LRRC4C: variants seen among roughly 807,000 people sequenced by gnomAD.
The protein encoded by LRRC4C is leucine rich repeat containing 4C.
Under a neutral mutation model 33.6 loss-of-function variants are expected in LRRC4C, and 5 were observed. That is an observed-to-expected ratio of 0.15 (90% CI 0.08 to 0.31). The LOEUF (loss-of-function observed/expected upper bound fraction) is 0.31. LRRC4C is among the 10% of genes least tolerant of loss of function. The probability of loss-of-function intolerance (pLI) is 1.00; values close to 1 mark genes in which losing one functional copy is unlikely to be tolerated. For synonymous variants in LRRC4C, 329 were observed against 302.0 expected, an observed-to-expected ratio of 1.09 and a Z score of -0.93; for missense variants, 560 against 796.7, an observed-to-expected ratio of 0.70 and a Z score of 3.58.
At chr11:40,337,007 G>T (rs1305182208) in intron 3 of LRRC4C, among the ~76,000 whole-genome samples, 2 of 102,228 alleles carry the variant, frequency 2.0e-5, no homozygotes, top group African/African-American at 4.0e-5. Context: ...AAAAAAAAAA[G>T]AGCGAATCAG....
chr11:40,461,072 G>A (rs986901216), intron 3 of LRRC4C, among the ~76,000 whole-genome samples: 1 of 152,100 alleles, frequency 6.6e-6, no homozygotes, highest in Non-Finnish European at 1.5e-5. Flanking sequence ...AAACAGATGG[G>A]TATAGGTTTA....
At chr11:41,017,462 C>A (rs767410784) in intron 1 of LRRC4C, among the ~76,000 whole-genome samples, 2 of 152,048 alleles carry the variant, frequency 1.3e-5, no homozygotes, top group Non-Finnish European at 2.9e-5. Context: ...TACTACTGAC[C>A]ACGGAAAGAG....
intron 1 of LRRC4C, among the ~76,000 whole-genome samples, chr11:41,134,629 T>A (rs1291809939): frequency 1.3e-5 from 2 of 152,122 alleles, no homozygotes; most frequent in Non-Finnish European, 2.9e-5. Flanking sequence ...AATCAAGGTG[T>A]TGGCAGAGCT....
intron 3 of LRRC4C, among the ~76,000 whole-genome samples, chr11:40,482,700 G>A (rs1423734498): frequency 6.6e-6 from 1 of 151,930 alleles, no homozygotes. Context: ...CAAACTCCTG[G>A]GCTCAAGCAA....
intron 3 of LRRC4C, among the ~76,000 whole-genome samples, chr11:40,360,339 A>G (rs1370987333): frequency 6.6e-6 from 1 of 152,132 alleles, no homozygotes; most frequent in Non-Finnish European, 1.5e-5. Flanking sequence ...TGATACAGAG[A>G]TCTGCTGAGA....
At chr11:40,187,081 C>T (rs930417896) in intron 5 of LRRC4C, among the ~76,000 whole-genome samples, 3 of 152,242 alleles carry the variant, frequency 2.0e-5, no homozygotes, top group East Asian at 1.9e-4. Flanking sequence ...GGGCTCAAAT[C>T]GGATCATCTC....
chr11:40,673,834 T>A (rs1006816514), intron 2 of LRRC4C, among the ~76,000 whole-genome samples: 1 of 152,180 alleles, frequency 6.6e-6, no homozygotes, highest in Non-Finnish European at 1.5e-5. Context: ...CTGATCCACG[T>A]TATGTATGGA....
intron 4 of LRRC4C, among the ~76,000 whole-genome samples, chr11:40,311,397 A>G (rs1945297753): frequency 6.6e-6 from 1 of 152,210 alleles, no homozygotes; most frequent in African/African-American, 2.4e-5. Context: ...CATAATGTAC[A>G]TGTTCAGTAA....
chr11:41,190,624 C>T (rs7928273), intron 1 of LRRC4C, among the ~76,000 whole-genome samples: 5 of 152,070 alleles, frequency 3.3e-5, no homozygotes, highest in African/African-American at 7.2e-5. Context: ...GGCTAAACAA[C>T]GGTAAAATGA....
intron 5 of LRRC4C, among the ~76,000 whole-genome samples, chr11:40,156,631 G>GAAACAA (rs1434495109): frequency 1.3e-5 from 2 of 151,000 alleles, no homozygotes; most frequent in African/African-American, 4.9e-5. Context: ...ACAAAAAACA[G>GAAACAA]AAACAAAAAC....
intron 1 of LRRC4C, among the ~76,000 whole-genome samples, chr11:41,215,107 A>T (rs1217103624): frequency 2.7e-5 from 4 of 150,262 alleles, no homozygotes; most frequent in Admixed American, 6.7e-5. Flanking sequence ...TCTAAGTGTA[A>T]AGTTCAGTGG....
intron 1 of LRRC4C, among the ~76,000 whole-genome samples, chr11:40,999,694 A>G (rs926346703): frequency 3.3e-5 from 5 of 152,142 alleles, no homozygotes; most frequent in African/African-American, 1.2e-4. Context: ...AACCTGCCAT[A>G]TGCTGGACAC....
rs191298247 is a variant in LRRC4C at position 40,911,736 on chromosome 11, T to C, written c.-407+21899A>G. On this transcript the variant is annotated intron_variant, in intron 2 of 6. Coordinates refer to ENST00000528697, the MANE Select transcript of LRRC4C (RefSeq NM_001258419.2). ...GTTGAGAGAAGAAGGCTTCAGACGA[T>C]CAAACTACTCTGAGCTAAAGGAGGA... 5.4e-3 allele frequency among the ~76,000 whole-genome samples: 823 copies of C among 152,120 alleles called. 3 individuals carry two copies. Among genetic ancestry groups the C allele is most frequent in the Non-Finnish European group, 7.2e-3 (491 of 67,946 alleles).
intron 3 of LRRC4C, among the ~76,000 whole-genome samples, chr11:40,394,737 G>A (rs1193594186): frequency 1.3e-5 from 2 of 152,124 alleles, no homozygotes; most frequent in South Asian, 2.1e-4. Context: ...AGAGGAGAGA[G>A]TAGAAGTGAT....
intron 5 of LRRC4C, among the ~76,000 whole-genome samples, chr11:40,164,290 C>T (rs989688921): frequency 2.0e-5 from 3 of 152,084 alleles, no homozygotes; most frequent in Non-Finnish European, 2.9e-5. Context: ...GAATATTATC[C>T]AGCCATAAAA....
intron 2 of LRRC4C, among the ~76,000 whole-genome samples, chr11:40,745,434 T>C (rs1236231471): frequency 6.6e-6 from 1 of 152,184 alleles, no homozygotes; most frequent in East Asian, 1.9e-4. Flanking sequence ...TGAGAACGTT[T>C]GATAGACATT....
intron 1 of LRRC4C, among the ~76,000 whole-genome samples, chr11:41,346,182 T>C (rs1051899854): frequency 6.6e-6 from 1 of 152,190 alleles, no homozygotes; most frequent in African/African-American, 2.4e-5. Flanking sequence ...ACAAAGCACA[T>C]TAAAGAGAGG....
intron 1 of LRRC4C, among the ~76,000 whole-genome samples, chr11:41,252,509 G>A (rs1287198470): frequency 6.6e-6 from 1 of 152,140 alleles, no homozygotes; most frequent in African/African-American, 2.4e-5. Context: ...ACTTTTTAAA[G>A]TTTAGTCAAG....
chr11:41,329,324 A>G (rs1951221126), intron 1 of LRRC4C, among the ~76,000 whole-genome samples: 1 of 152,200 alleles, frequency 6.6e-6, no homozygotes, highest in Non-Finnish European at 1.5e-5. Context: ...CTCAAGACCA[A>G]AATTTCTAGC....
Sources: allele counts gnomAD v4.1 joint callset (sites outside exome capture counted in the v4.1 genomes callset), GRCh38; gene constraint gnomAD v4.1.1; transcripts MANE v1.5; gene names NCBI Gene and HGNC (gene_info 2026-07-23, HGNC 2026-07-21).